Variants in COMMD10 observed in about 807,000 individuals in gnomAD.
COMMD10 encodes COMM domain containing 10.
In COMMD10, 33 loss-of-function variants were observed where a neutral mutation model predicts 28.9. The ratio of observed to expected loss-of-function variants is 1.14; its 90% CI spans 0.87 to 1.53. The LOEUF (loss-of-function observed/expected upper bound fraction) is 1.53, where lower values mean the gene tolerates loss of function less well. COMMD10 is among the 40% of genes most tolerant of loss of function. The pLI, the probability that COMMD10 is intolerant of heterozygous loss-of-function variation, is 0.00. For missense variants in COMMD10, 310 were observed against 233.4 expected, an observed-to-expected ratio of 1.33 and a Z score of -2.14; for synonymous variants, 110 against 81.7, an observed-to-expected ratio of 1.35 and a Z score of -1.87.
chr5:116,267,104 A>AGAC (rs1750608048), intron 5 of COMMD10, among the ~76,000 whole-genome samples: 1 of 151,892 alleles, frequency 6.6e-6, no homozygotes. Context: ...CAGGGCAATC[A>AGAC]GACAGGAGAA....
intron 5 of COMMD10, among the ~76,000 whole-genome samples, chr5:116,157,345 A>C (rs1209113434): frequency 6.6e-6 from 1 of 152,176 alleles, no homozygotes; most frequent in African/African-American, 2.4e-5. Flanking sequence ...TATTGTTCAC[A>C]AGTCTGTAGG....
intron 5 of COMMD10, among the ~76,000 whole-genome samples, chr5:116,183,218 T>C (rs1439278022): frequency 1.3e-5 from 2 of 152,100 alleles, no homozygotes; most frequent in African/African-American, 4.8e-5. Flanking sequence ...TAACATTATA[T>C]TGAGTTAGTC....
intron 5 of COMMD10, among the ~76,000 whole-genome samples, chr5:116,144,783 T>C (rs62385177): frequency 0.11 from 16,087 of 151,724 alleles, 953 homozygotes; most frequent in African/African-American, 0.15. Flanking sequence ...CGAAAGAATA[T>C]GAGGTGAGAG....
intron 5 of COMMD10, among the ~76,000 whole-genome samples, chr5:116,200,273 C>T (rs1242426819): frequency 6.6e-6 from 1 of 151,906 alleles, no homozygotes; most frequent in Non-Finnish European, 1.5e-5. Context: ...TGTACTGTTT[C>T]TGAGGAAAAA....
intron 5 of COMMD10, among the ~76,000 whole-genome samples, chr5:116,244,961 G>A (rs1461301496): frequency 6.6e-6 from 1 of 151,734 alleles, no homozygotes; most frequent in African/African-American, 2.4e-5. Context: ...AAAGCTAGCA[G>A]TAGACAAGAA....
intron 5 of COMMD10, among the ~76,000 whole-genome samples, chr5:116,231,871 T>C (rs976065694): frequency 6.6e-6 from 1 of 151,970 alleles, no homozygotes; most frequent in African/African-American, 2.4e-5. Flanking sequence ...GAATATAAAA[T>C]GTAATGTTTA....
chr5:116,190,667 G>A (rs932346382), intron 5 of COMMD10, among the ~76,000 whole-genome samples: 5 of 152,094 alleles, frequency 3.3e-5, no homozygotes, highest in Non-Finnish European at 7.4e-5. Context: ...CATGTTTTGA[G>A]GAATACCTCT....
intron 5 of COMMD10, among the ~76,000 whole-genome samples, chr5:116,231,500 A>C (rs186767132): frequency 2.1e-3 from 320 of 152,196 alleles, no homozygotes; most frequent in South Asian, 0.012. Context: ...GGGTGTGTTT[A>C]TTTTGTAGTA....
chr5:116,276,139 A>T (rs1326649846), intron 5 of COMMD10, among the ~76,000 whole-genome samples: 1 of 151,568 alleles, frequency 6.6e-6, no homozygotes, highest in Non-Finnish European at 1.5e-5. Context: ...CAGAGGAGGT[A>T]ACACTTCAGA....
intron 5 of COMMD10, among the ~76,000 whole-genome samples, chr5:116,142,788 A>G (rs949195126): frequency 2.0e-5 from 3 of 151,736 alleles, no homozygotes; most frequent in South Asian, 2.1e-4. Flanking sequence ...ATTATAGAAC[A>G]TGTAGAAGGA....
chr5:116,189,487 TC>T (rs1436087353), intron 5 of COMMD10, among the ~76,000 whole-genome samples: 1 of 152,148 alleles, frequency 6.6e-6, no homozygotes, highest in Non-Finnish European at 1.5e-5. Flanking sequence ...CCATCTTGTT[TC>T]CCAAGTCTGT....
intron 5 of COMMD10, among the ~76,000 whole-genome samples, chr5:116,173,735 A>G (rs533588562): frequency 1.3e-5 from 2 of 152,234 alleles, no homozygotes; most frequent in South Asian, 4.1e-4. Flanking sequence ...GTAGAGATAC[A>G]AATAGAATTG....
At chr5:116,145,287 G>A (rs1752310528) in intron 5 of COMMD10, among the ~76,000 whole-genome samples, 1 of 151,788 alleles carries the variant, frequency 6.6e-6, no homozygotes. Context: ...TTGTGATCAC[G>A]ACTTTGAGAG....
At chr5:116,160,607 A>G in intron 5 of COMMD10, among the ~76,000 whole-genome samples, 1 of 151,852 alleles carries the variant, frequency 6.6e-6, no homozygotes, top group East Asian at 1.9e-4. Flanking sequence ...AGCCTAAGGA[A>G]GAACTGCTAT....
At chr5:116,286,052 C>G (rs889765390) in intron 5 of COMMD10, among the ~76,000 whole-genome samples, 1 of 151,638 alleles carries the variant, frequency 6.6e-6, no homozygotes, top group East Asian at 1.9e-4. Context: ...CATTATTGAT[C>G]TGTTCATATT....
rs562190888 is a variant in COMMD10, at chr5:116,277,518, G to A, written c.511-13999G>A. On this transcript the variant is annotated intron_variant, in intron 5 of 6. Transcript: ENST00000274458. ...TAGTTATTGTACCTGCCTGTCTTTAGGAATTTGGTTCCACAAGTGTTGGAG... is the reference window on the plus strand; with the variant it reads ...TAGTTATTGTACCTGCCTGTCTTTAAGAATTTGGTTCCACAAGTGTTGGAG... Among the ~76,000 whole-genome samples, 8 of 151,960 alleles carry A rather than the reference G, an allele frequency of 5.3e-5. No individual in the cohort carries two copies. In the East Asian group the frequency reaches 1.5e-3, roughly 29 times the overall value.
At chr5:116,118,608 A>G (rs1751319733) in intron 4 of COMMD10, among the ~76,000 whole-genome samples, 1 of 152,190 alleles carries the variant, frequency 6.6e-6, no homozygotes, top group South Asian at 2.1e-4. Context: ...TTTTGGTTGT[A>G]CTTCAAGCCT....
At chr5:116,192,269 C>A (rs1162256866) in intron 5 of COMMD10, among the ~76,000 whole-genome samples, 1 of 150,632 alleles carries the variant, frequency 6.6e-6, no homozygotes, top group Non-Finnish European at 1.5e-5. Context: ...ACAACCCCCC[C>A]CCCCAAAAAT....
At chr5:116,095,106 T>A (rs977956651) in intron 4 of COMMD10, among the ~76,000 whole-genome samples, 19 of 152,160 alleles carry the variant, frequency 1.2e-4, no homozygotes, top group African/African-American at 3.4e-4. Flanking sequence ...TAATGTTTGA[T>A]AGTTTAGTAT....
Sources: gnomAD v4.1 joint callset for allele counts (sites outside exome capture counted in the v4.1 genomes callset) on GRCh38, gnomAD v4.1.1 for gene constraint, MANE v1.5 for transcripts, NCBI Gene and HGNC (gene_info 2026-07-23, HGNC 2026-07-21) for gene names.